ADGB: variants seen among roughly 807,000 people sequenced by gnomAD.
ADGB encodes androglobin, also known as calpain-7-like protein.
A neutral mutation model predicts 210.5 loss-of-function variants in ADGB; 172 were observed. The ratio of observed to expected loss-of-function variants is 0.82; its 90% confidence interval spans 0.72 to 0.93. ADGB has a LOEUF of 0.93. Among genes scored for constraint, ADGB ranks in the 40% least tolerant of loss-of-function variants. The pLI is 0.00. For synonymous variants in ADGB, 658 were observed against 662.7 expected, an observed-to-expected ratio of 0.99 and a Z score of 0.11; for missense variants, 2,025 against 1,964.8, an observed-to-expected ratio of 1.03 and a Z score of -0.58.
chr6:146,801,784 G>A (rs769642795), intron 34 of ADGB, 44 bp from the exon 35 acceptor site: 1 of 1,479,206 alleles, frequency 6.8e-7, no homozygotes, highest in South Asian at 1.3e-5. Context: ...TTATTCCAGA[G>A]TTCCCAAATG....
At chr6:146,788,209 C>T (rs548387422) in intron 32 of ADGB, among the ~76,000 whole-genome samples, 180 bp from the exon 33 acceptor site, 26 of 152,280 alleles carry the variant, frequency 1.7e-4, no homozygotes, top group South Asian at 1.5e-3. Context: ...AGACACACTT[C>T]CTGCCTGGGT....
At chr6:146,745,792 A>G (rs1777223225) in intron 25 of ADGB, 130 bp from the exon 26 acceptor site, 2 of 622,350 alleles carry the variant, frequency 3.2e-6, no homozygotes, top group Admixed American at 3.5e-5. Flanking sequence ...TAGTGATTCT[A>G]TGTTTATTAA....
rs570471074 is a variant in ADGB at position 146,803,498 on chromosome 6, G to A, written c.4818+1487G>A. The stretch of plus-strand genomic sequence containing the variant: ...AAGGGATGATGAACTTTCTTTCTGC[G>A]ATAGATCACTTTACGAAGTTTATCT... On this transcript the variant is annotated intron_variant, in intron 35 of 35. Coordinates refer to ENST00000397944, the MANE Select transcript of ADGB (RefSeq NM_024694.4). 122 of 1,602,216 alleles carry A rather than the reference G, an allele frequency of 7.6e-5. 1 individual carries two copies. Among genetic ancestry groups the A allele is most frequent in the Non-Finnish European group, 9.8e-5 (115 of 1,173,582 alleles).
chr6:146,599,742 A>G (rs940416828), intron 1 of ADGB, among the ~76,000 whole-genome samples: 2 of 152,082 alleles, frequency 1.3e-5, no homozygotes, highest in African/African-American at 4.8e-5. Flanking sequence ...GTGTCTTAGG[A>G]TGTACTTCCC....
chr6:146,755,409 C>G (rs999682926), intron 27 of ADGB, among the ~76,000 whole-genome samples: 1 of 152,040 alleles, frequency 6.6e-6, no homozygotes, highest in African/African-American at 2.4e-5. Flanking sequence ...GGATGCTATT[C>G]CCCCATGCTA....
intron 23 of ADGB, among the ~76,000 whole-genome samples, chr6:146,737,201 T>C (rs1777091914): frequency 6.7e-6 from 1 of 149,858 alleles, no homozygotes. Context: ...AAATAAATAA[T>C]AAAAAAGAGA....
chr6:146,623,138 C>T (rs1265362720), intron 1 of ADGB, among the ~76,000 whole-genome samples: 1 of 151,806 alleles, frequency 6.6e-6, no homozygotes, highest in Non-Finnish European at 1.5e-5. Context: ...TCTCCTGTTA[C>T]AAAGTTGTTT....
intron 18 of ADGB, chr6:146,724,540 T>A: frequency 2.8e-6 from 1 of 361,126 alleles, no homozygotes; most frequent in Non-Finnish European, 4.8e-6. Context: ...GGGAGATTCA[T>A]AATTGTCAAA....
chr6:146,616,620 G>C (rs1583560572), intron 1 of ADGB, among the ~76,000 whole-genome samples: 1 of 152,038 alleles, frequency 6.6e-6, no homozygotes, highest in East Asian at 1.9e-4. Flanking sequence ...GTGAAAGGTG[G>C]GGGTCTAGTT....
chr6:146,646,244 T>A (rs984293640), intron 3 of ADGB, among the ~76,000 whole-genome samples: 2 of 152,064 alleles, frequency 1.3e-5, no homozygotes, highest in Non-Finnish European at 2.9e-5. Flanking sequence ...GTATCAATGG[T>A]CAAGGTTTTA....
intron 1 of ADGB, among the ~76,000 whole-genome samples, chr6:146,634,447 C>T (rs1775369455): frequency 6.6e-6 from 1 of 151,956 alleles, no homozygotes; most frequent in Admixed American, 6.6e-5. Context: ...TTTTTAACTG[C>T]TTGTCCCACC....
chr6:146,626,802 TTA>T lies in ADGB; in HGVS notation c.75-8570_75-8569del, dbSNP rs1780979250. ...TATTGAAATTCTTAACTCTGTAGGTTTATAGTTTTCATAAATTTTTAATGACC... is the reference window on the plus strand; with the variant it reads ...TATTGAAATTCTTAACTCTGTAGGTTTAGTTTTCATAAATTTTTAATGACC... On this transcript the variant is annotated intron_variant, in intron 1 of 35. Transcript: ENST00000397944. Among the ~76,000 whole-genome samples, 5 of 152,066 alleles carry T rather than the reference TTA, an allele frequency of 3.3e-5. No homozygotes were observed. The South Asian group carries it at 1.0e-3, about 32-fold the overall frequency.
chr6:146,622,926 A>G (rs1019036888), intron 1 of ADGB, among the ~76,000 whole-genome samples: 4 of 152,034 alleles, frequency 2.6e-5, no homozygotes, highest in Non-Finnish European at 5.9e-5. Flanking sequence ...GCATATGGAT[A>G]TTCAATGTTT....
chr6:146,696,463 A>C (rs1485374809), intron 12 of ADGB, among the ~76,000 whole-genome samples: 1 of 149,992 alleles, frequency 6.7e-6, no homozygotes, highest in African/African-American at 2.5e-5. Context: ...TTAAAAAAAT[A>C]AATTAAATGA....
At chr6:146,743,839 A>G (rs184645161) in intron 25 of ADGB, among the ~76,000 whole-genome samples, 1 of 152,182 alleles carries the variant, frequency 6.6e-6, no homozygotes, top group South Asian at 2.1e-4. Flanking sequence ...ACTTGAACCC[A>G]GAAGACAGAG....
chr6:146,621,059 A>G (rs1780884617), intron 1 of ADGB, among the ~76,000 whole-genome samples: 1 of 152,144 alleles, frequency 6.6e-6, no homozygotes, highest in Admixed American at 6.5e-5. Flanking sequence ...TTGCCCTGTT[A>G]CTGTTTCCTC....
intron 1 of ADGB, among the ~76,000 whole-genome samples, chr6:146,622,907 G>A (rs1428674997): frequency 6.6e-6 from 1 of 151,926 alleles, no homozygotes; most frequent in East Asian, 1.9e-4. Context: ...GTAAATTGAT[G>A]TTTATTTTGC....
intron 13 of ADGB, among the ~76,000 whole-genome samples, chr6:146,714,308 G>A (rs796961605): frequency 7.2e-6 from 1 of 138,794 alleles, no homozygotes; most frequent in Non-Finnish European, 1.5e-5. Flanking sequence ...CTCCCAATGT[G>A]CATCTTGTTT....
rs541453502 is a variant in ADGB, at chr6:146,730,789, A to G, written c.2520+2048A>G. 2.0e-5 allele frequency among the ~76,000 whole-genome samples: 3 copies of G among 152,284 alleles called. No homozygotes were observed. The East Asian group carries it at 5.8e-4, about 29-fold the overall frequency. On this transcript the variant is annotated intron_variant, in intron 20 of 35. Coordinates refer to ENST00000397944, the MANE Select transcript of ADGB (RefSeq NM_024694.4). ...CTCCATCTCTACTAAAGATAGAAAA[A>G]TTAGCCAGGTGTGGTGGTGGGCACC...
Sources: gnomAD v4.1 joint callset for allele counts (sites outside exome capture counted in the v4.1 genomes callset) on GRCh38, gnomAD v4.1.1 for gene constraint, MANE v1.5 for transcripts, NCBI Gene and HGNC (gene_info 2026-07-23, HGNC 2026-07-21) for gene names.